The following PSME4 variants were observed in gnomAD, a reference collection of about 807,000 sequenced individuals.
PSME4 encodes proteasome activator complex subunit 4.
In PSME4, 89 loss-of-function variants were observed where a neutral mutation model predicts 253.9. That is an observed-to-expected ratio of 0.35 (90% confidence interval 0.30 to 0.42). PSME4 has a LOEUF of 0.42. PSME4 is among the 10% of genes least tolerant of loss of function. The pLI, the probability that PSME4 is intolerant of heterozygous loss-of-function variation, is 1.00. For missense variants in PSME4, 2,014 were observed against 2,195.2 expected (o/e 0.92, Z 1.65); for synonymous variants, 851 against 759.2 (o/e 1.12, Z -1.99).
chr2:53,927,455 G>C lies in PSME4; in HGVS notation c.1532C>G (p.Ser511Cys), dbSNP rs1668608364. Residue 511 changes from serine to cysteine, a missense_variant, in exon 12 of 47, where the codon TCT becomes TGT. Physicochemically the swap from Ser to Cys is moderately radical, Grantham distance 112. Transcript: ENST00000404125. ...MITFQFIATFSTLVPLVDCSS... is the reference protein window; with the variant it reads ...MITFQFIATFCTLVPLVDCSS... ...ACAATCTACTAAAGGCACCAGAGTA[G>C]AAAATGTTGCTATGAACTGGAATGT... 1.9e-6 allele frequency: 3 copies of C among 1,595,202 alleles called. No individual in the cohort carries two copies. The highest frequency in any genetic ancestry group is 2.7e-5 in the African/African-American group (2 of 74,468).
Position 53,959,891 on chromosome 2 carries a change from G to A in PSME4, c.243-10608C>T, listed in dbSNP as rs74753969. Among the ~76,000 whole-genome samples the A allele has an allele frequency of 4.5e-4, 69 of 152,224 alleles. No individual in the cohort carries two copies. The East Asian group carries it at 0.012, about 26-fold the overall frequency. Reference sequence around the variant, plus strand: ...CAACAACTCGCAATCAAATAAGACAGTCAGATATGACATTCCAAGTACCTG... The same window carrying A: ...CAACAACTCGCAATCAAATAAGACAATCAGATATGACATTCCAAGTACCTG... On this transcript the variant is annotated intron_variant, in intron 1 of 46. Coordinates refer to ENST00000404125, the MANE Select transcript of PSME4 (RefSeq NM_014614.3).
intron 41 of PSME4, among the ~76,000 whole-genome samples, chr2:53,882,774 A>G (rs1318878871): frequency 6.6e-6 from 1 of 152,188 alleles, no homozygotes; most frequent in African/African-American, 2.4e-5. Context: ...AATAACAAGT[A>G]TCTACTTACT....
chr2:53,941,139 G>C (rs1160044091), intron 3 of PSME4, among the ~76,000 whole-genome samples: 2 of 145,150 alleles, frequency 1.4e-5, no homozygotes, highest in Non-Finnish European at 3.0e-5. Context: ...GAATAACAGA[G>C]AGCAAACTCA....
At chr2:53,890,725 G>T (rs1467589568) in intron 36 of PSME4, among the ~76,000 whole-genome samples, 2 of 152,078 alleles carry the variant, frequency 1.3e-5, no homozygotes, top group South Asian at 4.1e-4. Context: ...ACTTTGCATG[G>T]CGCTTTAAAA....
chr2:53,897,919 A>T lies in PSME4; in HGVS notation c.3557T>A (p.Ile1186Lys). Residue 1186 changes from isoleucine (I) to lysine (K), a missense_variant, in exon 31 of 47, where the codon ATA (isoleucine) becomes AAA (lysine). Coordinates refer to ENST00000404125, the MANE Select transcript of PSME4 (RefSeq NM_014614.3). ...GTTGAGATTCTCAACAAAAAACCGT[A>T]TGGCACGAAGAGGCAACACTCGGTC... The part of the protein sequence containing the change: ...RDDRVLPLRA[I>K]RFFVENLNHD... 1.9e-6 allele frequency: 3 copies of T among 1,613,626 alleles called. No individual in the cohort carries two copies. Among genetic ancestry groups the T allele is most frequent in the Non-Finnish European group, 2.5e-6 (3 of 1,179,500 alleles).
intron 4 of PSME4, among the ~76,000 whole-genome samples, chr2:53,938,855 G>A (rs805362): frequency 0.29 from 43,346 of 152,042 alleles, 6,664 homozygotes; most frequent in South Asian, 0.47. Context: ...TGTGTAACAG[G>A]TTGGAATTTT....
chr2:53,968,328 G>A (rs1464922352), intron 1 of PSME4, among the ~76,000 whole-genome samples: 2 of 150,292 alleles, frequency 1.3e-5, no homozygotes, highest in Non-Finnish European at 3.0e-5. Context: ...TCACGCACAA[G>A]CATACTGAAA....
chr2:53,875,539 G>T, intron 42 of PSME4, 88 bp downstream of exon 42: 1 of 1,254,496 alleles, frequency 8.0e-7, no homozygotes, highest in South Asian at 1.7e-5. Flanking sequence ...CAAAAACTAG[G>T]CGCTGTGTGC....
At chr2:53,903,901 T>C in intron 27 of PSME4, 124 bp downstream of exon 27, 1 of 792,790 alleles carries the variant, frequency 1.3e-6, no homozygotes, top group Non-Finnish European at 2.0e-6. Flanking sequence ...ATAAAGCAAA[T>C]ACAGCAAAAT....
Position 53,869,314 on chromosome 2 carries a change from A to C in PSME4, c.5263+62T>G, listed in dbSNP as rs1239195677. ...TACAAGTTATTCAATAAATATGAGT[A>C]AGCCTGGTTAACCCTCATTAATTCC... On this transcript the variant is annotated intron_variant, in intron 44 of 46. Coordinates refer to ENST00000404125, the MANE Select transcript of PSME4 (RefSeq NM_014614.3). 26 of 1,414,318 alleles carry C rather than the reference A, an allele frequency of 1.8e-5. No homozygotes were observed. In the South Asian group the frequency reaches 4.2e-4, roughly 23 times the overall value. 87.6% of individuals were successfully genotyped at this position (1,414,318 alleles called of 1,614,324 possible).
At chr2:53,939,296 A>C (rs1053834244) in intron 4 of PSME4, among the ~76,000 whole-genome samples, 19 of 152,342 alleles carry the variant, frequency 1.2e-4, no homozygotes, top group Middle Eastern at 6.8e-3. Context: ...CATATCATCT[A>C]AACAGTCTTA....
intron 23 of PSME4, 34 bp downstream of exon 23, chr2:53,908,476 T>G: frequency 6.2e-7 from 1 of 1,610,918 alleles, no homozygotes; most frequent in Non-Finnish European, 8.5e-7. Flanking sequence ...TTGATCGTAT[T>G]AATCATTATG....
intron 37 of PSME4, among the ~76,000 whole-genome samples, chr2:53,889,736 GC>G (rs1410239131): frequency 1.3e-5 from 2 of 152,172 alleles, no homozygotes; most frequent in African/African-American, 4.8e-5. Context: ...GTATTATGTG[GC>G]TTTTACTATA....
chr2:53,879,792 A>G (rs1184282681), intron 41 of PSME4, among the ~76,000 whole-genome samples: 6 of 119,008 alleles, frequency 5.0e-5, no homozygotes, highest in Non-Finnish European at 5.2e-5. Flanking sequence ...ACAGAGCAAG[A>G]CCCTGTCTCA....
chr2:53,917,249 A>G, intron 20 of PSME4: 1 of 173,350 alleles, frequency 5.8e-6, no homozygotes, highest in Middle Eastern at 6.2e-4. Context: ...AAAAGCAGAT[A>G]AAAGGATACT....
At chr2:53,940,583 T>C (rs1669344651) in intron 3 of PSME4, among the ~76,000 whole-genome samples, 1 of 152,024 alleles carries the variant, frequency 6.6e-6, no homozygotes, top group African/African-American at 2.4e-5. Flanking sequence ...CTCAAGTGAA[T>C]ACAGGAGACC....
intron 16 of PSME4, 121 bp from the exon 17 acceptor site, chr2:53,922,705 T>G (rs1241743357): frequency 9.9e-6 from 12 of 1,207,336 alleles, no homozygotes; most frequent in Middle Eastern, 2.7e-4. Flanking sequence ...GGAAGACTTT[T>G]TATTTCTTCT....
At chr2:53,926,473 A>C (rs1317843486) in intron 12 of PSME4, among the ~76,000 whole-genome samples, 8 of 152,212 alleles carry the variant, frequency 5.3e-5, no homozygotes. Context: ...CAAGAGTTCA[A>C]GACCAGTCTG....
At position 53,898,009 on chromosome 2, in the gene PSME4, A is replaced by T. The variant is rs1208109213; in HGVS notation, c.3477-10T>A. On this transcript the variant is annotated splice_polypyrimidine_tract_variant and intron_variant, in intron 30 of 46. Transcript: ENST00000404125. ...TTCAAATTTCCAGGGCCTTAAAAGG[A>T]GGAAAAATAACAAAGCATATCACAC... The T allele has an allele frequency of 6.2e-7, 1 of 1,609,914 alleles. No homozygotes were observed. The highest frequency in any genetic ancestry group is 2.2e-5 in the East Asian group (1 of 44,848).
Sources: gnomAD v4.1 joint callset for allele counts (sites outside exome capture counted in the v4.1 genomes callset) on GRCh38, gnomAD v4.1.1 for gene constraint, MANE v1.5 for transcripts, NCBI Gene and HGNC (gene_info 2026-07-23, HGNC 2026-07-21) for gene names.